NUP210: variants seen among roughly 807,000 people sequenced by gnomAD.
NUP210 encodes nucleoporin 210, also known as nuclear pore membrane glycoprotein 210.
Under a neutral mutation model 196.0 loss-of-function variants are expected in NUP210, and 151 were observed. That is an observed-to-expected ratio of 0.77 (90% confidence interval 0.67 to 0.88). The LOEUF (loss-of-function observed/expected upper bound fraction) is 0.88, where lower values mean the gene tolerates loss of function less well. NUP210 is among the 40% of genes least tolerant of loss of function. NUP210 has a pLI of 0.00. For synonymous variants in NUP210, 1,070 were observed against 1,052.7 expected (o/e 1.02, Z -0.32); for missense variants, 2,314 against 2,493.7 (o/e 0.93, Z 1.53).
chr3:13,365,507 C>G (rs904721753), intron 14 of NUP210, among the ~76,000 whole-genome samples: 13 of 152,226 alleles, frequency 8.5e-5, no homozygotes, highest in African/African-American at 2.9e-4. Context: ...TCTCTGACCC[C>G]AGTCTTGGAG....
At chr3:13,369,813 C>T (rs1223541128) in intron 13 of NUP210, among the ~76,000 whole-genome samples, 1 of 152,218 alleles carries the variant, frequency 6.6e-6, no homozygotes, top group Non-Finnish European at 1.5e-5. Flanking sequence ...GTAGTGCCCA[C>T]AGCCCAGGGG....
chr3:13,342,138 C>A lies in NUP210; in HGVS notation c.2965-15G>T. The A allele has an allele frequency of 6.2e-7, 1 of 1,613,816 alleles. No homozygotes were observed. Among genetic ancestry groups the A allele is most frequent in the Non-Finnish European group, 8.5e-7 (1 of 1,179,834 alleles). On this transcript the variant is annotated splice_polypyrimidine_tract_variant and intron_variant, in intron 21 of 39. Transcript: ENST00000254508. Reference sequence around the variant, plus strand: ...CCAATCTCCACCTGCATCATGGGGACAGAGGTTCAGGGGCAGCCTCCAAAA... The same window carrying A: ...CCAATCTCCACCTGCATCATGGGGAAAGAGGTTCAGGGGCAGCCTCCAAAA...
At position 13,347,851 on chromosome 3, in the gene NUP210, C is replaced by G. The variant is rs1429145941; in HGVS notation, c.2835+4028G>C. Among the ~76,000 whole-genome samples, 2 of 152,224 alleles carry G rather than the reference C, an allele frequency of 1.3e-5. No individual in the cohort carries two copies. The highest frequency in any genetic ancestry group is 6.5e-5 in the Admixed American group (1 of 15,290). ...CCTGGAAAATTCCTCCTGCAGGCTT[C>G]AGAAGAGACCAGAGGAACCAGGGCC... On this transcript the variant is annotated intron_variant, in intron 20 of 39. Transcript: ENST00000254508. This position sits in a 1 kb window ranked among gnomAD's most constrained non-coding sequence, Gnocchi z 4.7.
intron 14 of NUP210, among the ~76,000 whole-genome samples, chr3:13,364,009 C>T (rs181154273): frequency 6.2e-4 from 94 of 152,288 alleles, no homozygotes; most frequent in Admixed American, 2.7e-3. Flanking sequence ...TTTCAACTCT[C>T]TCCACTCTGC....
intron 6 of NUP210, among the ~76,000 whole-genome samples, chr3:13,384,916 G>A (rs929430591): frequency 6.6e-6 from 1 of 152,096 alleles, no homozygotes; most frequent in South Asian, 2.1e-4. Flanking sequence ...GGTAAACATC[G>A]GGCTCTGACC....
rs1398900404 is a variant in NUP210, at chr3:13,375,485, G to A, written c.1431+19C>T. The A allele has an allele frequency of 1.9e-6, 3 of 1,610,762 alleles. No homozygotes were observed. The highest frequency in any genetic ancestry group is 3.3e-5 in the Admixed American group (2 of 59,802). ...AAAACACCAAAGGAATGCACGCAGA[G>A]GTGAGGGGTCTCACGTACCCTTATT... On this transcript the variant is annotated intron_variant, in intron 11 of 39. Coordinates refer to ENST00000254508, the MANE Select transcript of NUP210 (RefSeq NM_024923.4).
At chr3:13,365,785 A>C (rs1698510096) in intron 14 of NUP210, among the ~76,000 whole-genome samples, 161 bp downstream of exon 14, 1 of 152,230 alleles carries the variant, frequency 6.6e-6, no homozygotes, top group African/African-American at 2.4e-5. Flanking sequence ...CTCCTTCCAC[A>C]TGAATCCTGC....
Position 13,348,893 on chromosome 3 carries a change from C to T in NUP210, c.2835+2986G>A, listed in dbSNP as rs1028876218. On this transcript the variant is annotated intron_variant, in intron 20 of 39. Transcript: ENST00000254508. The surrounding 1 kb of genome is among the most constrained non-coding windows in gnomAD (Gnocchi z 4.0). ...ACACCCCAAACACCAAACAAAAAAA[C>T]TGAATTAAAAAACTTATTAAACAGG... The T allele has an allele frequency of 1.0e-5, 10 of 963,994 alleles. No individual in the cohort carries two copies. The African/African-American group carries it at 2.3e-4, about 22-fold the overall frequency. The allele number at this position is 963,994 out of a possible 1,614,324, so 59.7% of individuals were successfully genotyped here.
At chr3:13,343,336 T>TGTGGGGGGG in intron 20 of NUP210, 33 bp from the exon 21 acceptor site, 1 of 260,404 alleles carries the variant, frequency 3.8e-6, no homozygotes, top group Admixed American at 5.5e-5. Context: ...GAGGGGTGGG[T>TGTGGGGGGG]GGTGGGTTAC....
chr3:13,366,251 C>T (rs1174941521), intron 13 of NUP210, among the ~76,000 whole-genome samples, 160 bp from the exon 14 acceptor site: 1 of 152,200 alleles, frequency 6.6e-6, no homozygotes, highest in African/African-American at 2.4e-5. Context: ...GCCTCAGCCT[C>T]CCAGATAGCT....
Position 13,377,492 on chromosome 3 carries a change from A to T in NUP210, c.1116T>A (p.Val372=), listed in dbSNP as rs150173648. Residue 372 remains valine (V), a synonymous_variant, in exon 9 of 40, where the codon GTT becomes GTA. Transcript: ENST00000254508. ...AGACCTTGTTGCTGAACTTGTCAAA[A>T]ACTTCGATGGTGATTTCATACAGGC... The part of the protein sequence containing the change: ...TGRLYEITIE[V]FDKFSNKVYV... 1,461 of 1,613,686 alleles carry T rather than the reference A, an allele frequency of 9.1e-4. 2 individuals carry two copies. Among genetic ancestry groups the T allele is most frequent in the Non-Finnish European group, 1.2e-3 (1,378 of 1,179,730 alleles).
In NUP210 at chr3:13,325,958, C is replaced by T; in HGVS notation, c.4508-27G>A. The T allele has an allele frequency of 1.9e-6, 3 of 1,612,086 alleles. No individual in the cohort carries two copies. The South Asian group carries it at 3.3e-5, about 18-fold the overall frequency. On this transcript the variant is annotated intron_variant, in intron 32 of 39. Coordinates refer to ENST00000254508, the MANE Select transcript of NUP210 (RefSeq NM_024923.4). ...TGGAGAGGAAGCACAGGTGTCAGCCCCCTTTCCATAGCTGGACACTCCAGT... is the reference window on the plus strand; with the variant it reads ...TGGAGAGGAAGCACAGGTGTCAGCCTCCTTTCCATAGCTGGACACTCCAGT...
At chr3:13,382,108 A>G (rs1699122520) in intron 6 of NUP210, among the ~76,000 whole-genome samples, 1 of 152,218 alleles carries the variant, frequency 6.6e-6, no homozygotes, top group African/African-American at 2.4e-5. Flanking sequence ...TTGCAAACCT[A>G]GTACATTTTA....
Position 13,350,437 on chromosome 3 carries a change from A to AAAAAC in NUP210, c.2835+1437_2835+1441dup, listed in dbSNP as rs139729376. Among the ~76,000 whole-genome samples the AAAAAC allele has an allele frequency of 0.21, 30,460 of 145,232 alleles. 3,869 individuals are homozygous for AAAAAC. The highest frequency in any genetic ancestry group is 0.27 in the Non-Finnish European group (17,831 of 66,104). ...AGTTTCCAACAATTATAGGACATGA[A>AAAAAC]AAAACAAAACAAAACAAAACAAAAC... is the stretch of plus-strand genomic sequence containing the variant. On this transcript the variant is annotated intron_variant, in intron 20 of 39. Transcript: ENST00000254508. This position sits in a 1 kb window ranked among gnomAD's most constrained non-coding sequence, Gnocchi z 4.1.
Position 13,330,394 on chromosome 3 carries a change from T to C in NUP210, c.4110+66A>G, listed in dbSNP as rs2124842553. ...AGGTGAACGTATTCACTTTTACACC[T>C]GAGAGGCATATTACCTCAGTGCTAT... On this transcript the variant is annotated intron_variant, in intron 30 of 39. Transcript: ENST00000254508. 2.1e-6 allele frequency: 3 copies of C among 1,461,884 alleles called. No individual in the cohort carries two copies. The South Asian group carries it at 3.7e-5, about 18-fold the overall frequency. The allele number at this position is 1,461,884 out of a possible 1,614,324, so 90.6% of individuals were successfully genotyped here.
intron 14 of NUP210, among the ~76,000 whole-genome samples, chr3:13,361,908 C>T (rs1698384445): frequency 6.6e-6 from 1 of 152,126 alleles, no homozygotes; most frequent in South Asian, 2.1e-4. Context: ...AGAGGCTACC[C>T]TCCTGTCCTT....
rs768956550 is a variant in NUP210, at chr3:13,340,302, T to A, written c.3229-4A>T. The A allele has an allele frequency of 6.2e-7, 1 of 1,613,238 alleles. No individual in the cohort carries two copies. Among genetic ancestry groups the A allele is most frequent in the Non-Finnish European group, 8.5e-7 (1 of 1,179,916 alleles). On this transcript the variant is annotated splice_region_variant and splice_polypyrimidine_tract_variant and intron_variant, in intron 23 of 39. Coordinates refer to ENST00000254508, the MANE Select transcript of NUP210 (RefSeq NM_024923.4). The surrounding 1 kb of genome is among the most constrained non-coding windows in gnomAD (Gnocchi z 4.0). ...TCAGCCTGAACGGGGGAAAGACCTG[T>A]TGAGAGACACAGGAGAGAAAGGACT...
chr3:13,317,476 A>C lies in NUP210; in HGVS notation c.*205T>G, dbSNP rs973051915. 1 of 573,468 alleles carries C rather than the reference A, an allele frequency of 1.7e-6. No individual in the cohort carries two copies. Among genetic ancestry groups the C allele is most frequent in the African/African-American group, 1.9e-5 (1 of 52,928 alleles). 35.5% of individuals were successfully genotyped at this position (573,468 alleles called of 1,614,324 possible). ...CTTTGTAAGACTTGAAAGGAAAAAA[A>C]CACACATTTAAAACTCCTACATAAA... On this transcript the variant is annotated 3_prime_UTR_variant, in exon 40 of 40. Transcript: ENST00000254508.
rs183239830 is a variant in NUP210 at position 13,347,478 on chromosome 3, C to T, written c.2836-4175G>A. On this transcript the variant is annotated intron_variant, in intron 20 of 39. Transcript: ENST00000254508. This position sits in a 1 kb window ranked among gnomAD's most constrained non-coding sequence, Gnocchi z 4.7. The stretch of plus-strand genomic sequence containing the variant: ...AAACAAAATAAAGGCCCTTACAGAG[C>T]GTTCTGGGGCTGTGTGAGCAAAATT... 3 of 281,648 alleles carry T rather than the reference C, an allele frequency of 1.1e-5. No individual in the cohort carries two copies. The highest frequency in any genetic ancestry group is 1.7e-4 in the East Asian group (1 of 5,746). 17.4% of individuals were successfully genotyped at this position (281,648 alleles called of 1,614,324 possible).
Sources: gnomAD v4.1 joint callset for allele counts (sites outside exome capture counted in the v4.1 genomes callset) on GRCh38, gnomAD v4.1.1 for gene constraint, Gnocchi (gnomAD v3.1) non-coding constraint, MANE v1.5 for transcripts, NCBI Gene and HGNC (gene_info 2026-07-23, HGNC 2026-07-21) for gene names.